Variants in RORA observed in about 807,000 individuals in gnomAD.
RORA encodes nuclear receptor ROR-alpha.
A neutral mutation model predicts 69.5 loss-of-function variants in RORA; 7 were observed. The observed-to-expected ratio is 0.10, with a 90% CI of 0.06 to 0.19. RORA has a LOEUF of 0.19. Among genes scored for constraint, RORA ranks in the 10% least tolerant of loss-of-function variants. RORA has a pLI of 1.00. For missense variants in RORA, 457 were observed against 663.0 expected (o/e 0.69, Z 3.41); for synonymous variants, 261 against 240.8 (o/e 1.08, Z -0.78).
intron 2 of RORA, among the ~76,000 whole-genome samples, chr15:60,614,253 C>T (rs184278944): frequency 1.6e-4 from 25 of 152,210 alleles, no homozygotes; most frequent in Non-Finnish European, 2.8e-4. Context: ...GTACTTTCCT[C>T]CTAATCGCAC....
intron 2 of RORA, among the ~76,000 whole-genome samples, chr15:60,624,471 C>CATATATATATATATATAT (rs3053858): frequency 0.085 from 6,081 of 71,904 alleles, 358 homozygotes; most frequent in East Asian, 0.11. Flanking sequence ...CCATTTGCTG[C>CATATATATATATATATAT]ATATATATAT....
chr15:60,705,168 CACAAT>C (rs2140799071), intron 1 of RORA, among the ~76,000 whole-genome samples: 1 of 151,386 alleles, frequency 6.6e-6, no homozygotes, highest in Non-Finnish European at 1.5e-5. Context: ...TCCCTACCTA[CACAAT>C]GAAAAACCTA....
intron 1 of RORA, among the ~76,000 whole-genome samples, chr15:61,146,967 G>T (rs2079355284): frequency 6.6e-6 from 1 of 151,720 alleles, no homozygotes; most frequent in East Asian, 1.9e-4. Flanking sequence ...GAAACAGAAG[G>T]TTGAAGCAGA....
intron 1 of RORA, among the ~76,000 whole-genome samples, chr15:60,928,184 T>A (rs906014639): frequency 1.3e-5 from 2 of 152,174 alleles, no homozygotes; most frequent in Non-Finnish European, 2.9e-5. Flanking sequence ...CAGGACAAAA[T>A]TCAGACTCCC....
chr15:61,215,600 CAA>C (rs1034673194), intron 1 of RORA, among the ~76,000 whole-genome samples: 1 of 152,076 alleles, frequency 6.6e-6, no homozygotes, highest in African/African-American at 2.4e-5. Context: ...TTTTTTATGC[CAA>C]AGTCATATAT....
intron 1 of RORA, among the ~76,000 whole-genome samples, chr15:61,134,840 C>T (rs555975987): frequency 4.4e-4 from 67 of 152,060 alleles, no homozygotes; most frequent in Non-Finnish European, 8.7e-4. Flanking sequence ...TTCAGTGGGT[C>T]ACTCACTCAC....
At chr15:61,018,653 C>T (rs188788641) in intron 1 of RORA, among the ~76,000 whole-genome samples, 4 of 152,124 alleles carry the variant, frequency 2.6e-5, no homozygotes, top group Admixed American at 1.3e-4. Flanking sequence ...TTGTACTGTG[C>T]TCATATATAA....
intron 1 of RORA, among the ~76,000 whole-genome samples, chr15:60,909,494 C>T (rs899906975): frequency 2.6e-5 from 4 of 152,076 alleles, no homozygotes; most frequent in Admixed American, 6.5e-5. Flanking sequence ...CTTTATCGAA[C>T]GATTGAACCC....
intron 1 of RORA, among the ~76,000 whole-genome samples, chr15:61,164,591 G>A (rs1264677067): frequency 2.0e-5 from 3 of 152,134 alleles, no homozygotes; most frequent in Admixed American, 6.6e-5. Context: ...GATCATATGA[G>A]CTCTGGATGA....
At chr15:60,619,685 T>C (rs103947) in intron 2 of RORA, among the ~76,000 whole-genome samples, 99,029 of 152,082 alleles carry the variant, frequency 0.65, 32,703 homozygotes, top group African/African-American at 0.76. Flanking sequence ...TTTTCTGTAT[T>C]GCCACTTTAT....
intron 1 of RORA, among the ~76,000 whole-genome samples, chr15:61,188,794 T>C (rs956286875): frequency 1.3e-5 from 2 of 152,080 alleles, no homozygotes; most frequent in African/African-American, 4.8e-5. Flanking sequence ...CTCAAAAACG[T>C]CTAACGTCAC....
chr15:61,186,754 C>G (rs895310404), intron 1 of RORA, among the ~76,000 whole-genome samples: 15 of 152,134 alleles, frequency 9.9e-5, no homozygotes, highest in Non-Finnish European at 2.2e-4. Context: ...GCCCCCACTC[C>G]TCCCAGTTAA....
intron 10 of RORA, among the ~76,000 whole-genome samples, chr15:60,498,620 C>A (rs1482067116): frequency 6.6e-6 from 1 of 152,086 alleles, no homozygotes; most frequent in African/African-American, 2.4e-5. Flanking sequence ...CCCAGAATAA[C>A]CTTCTCTAGG....
At chr15:60,858,725 A>AC (rs3053899) in intron 1 of RORA, among the ~76,000 whole-genome samples, 17 of 151,590 alleles carry the variant, frequency 1.1e-4, no homozygotes, top group Admixed American at 3.9e-4. Context: ...ACACACACAC[A>AC]AAAGCACAAA....
intron 1 of RORA, among the ~76,000 whole-genome samples, chr15:61,021,600 C>T (rs971859715): frequency 6.6e-6 from 1 of 152,234 alleles, no homozygotes; most frequent in Non-Finnish European, 1.5e-5. Flanking sequence ...CACAGAACAA[C>T]ACTGCCTCTC....
At chr15:60,798,261 CA>C (rs2140355134) in intron 1 of RORA, among the ~76,000 whole-genome samples, 1 of 82,764 alleles carries the variant, frequency 1.2e-5, no homozygotes, top group South Asian at 3.7e-4. Flanking sequence ...CACACACACA[CA>C]CACACACCAC....
chr15:61,142,790 T>A (rs2079312258), intron 1 of RORA, among the ~76,000 whole-genome samples: 1 of 152,142 alleles, frequency 6.6e-6, no homozygotes, highest in Admixed American at 6.5e-5. Flanking sequence ...TAAAAAAGCA[T>A]TCGACAAAAT....
At chr15:60,627,552 C>T in intron 2 of RORA, 1 of 1,360,398 alleles carries the variant, frequency 7.4e-7, no homozygotes, top group Non-Finnish European at 9.5e-7. Context: ...GCAGTGGAAT[C>T]CCAGCCACAA....
chr15:60,984,906 A>T (rs1202715407), intron 1 of RORA, among the ~76,000 whole-genome samples: 1 of 151,088 alleles, frequency 6.6e-6, no homozygotes, highest in African/African-American at 2.5e-5. Context: ...AGAGGGGAGG[A>T]ACTAGTTCTT....
Sources: allele counts gnomAD v4.1 joint callset (sites outside exome capture counted in the v4.1 genomes callset), GRCh38; gene constraint gnomAD v4.1.1; transcripts MANE v1.5; gene names NCBI Gene and HGNC (gene_info 2026-07-23, HGNC 2026-07-21).